DYRK4: variants seen among roughly 807,000 people sequenced by gnomAD.
DYRK4 encodes the protein dual specificity tyrosine-phosphorylation-regulated kinase 4.
In DYRK4, 64 loss-of-function variants were observed where a neutral mutation model predicts 68.3. That is an observed-to-expected ratio of 0.94 (90% CI 0.77 to 1.15). The LOEUF (loss-of-function observed/expected upper bound fraction) is 1.15, where lower values mean the gene tolerates loss of function less well. Among genes scored for constraint, DYRK4 ranks in the 50% most tolerant of loss-of-function variants. The pLI is 0.00. For missense variants in DYRK4, 740 were observed against 764.7 expected (o/e 0.97, Z 0.38); for synonymous variants, 274 against 289.9 (o/e 0.95, Z 0.56).
chr12:4,593,131 C>G lies in DYRK4; in HGVS notation c.593C>G (p.Thr198Arg). The G allele has an allele frequency of 6.2e-7, 1 of 1,613,950 alleles. No homozygotes were observed. Among genetic ancestry groups the G allele is most frequent in the South Asian group, 1.1e-5 (1 of 91,056 alleles). The change falls in exon 6 of 15, where the codon ACG (threonine) becomes AGG (arginine). Residue 198 changes from threonine to arginine, a missense_variant. Physicochemically the swap from Thr to Arg is moderately conservative, Grantham distance 71. Around this residue, in one of 3 missense-constraint regions of DYRK4, gnomAD observed 614 missense variants for 603.7 expected, o/e 1.02. Transcript: ENST00000543431. The stretch of plus-strand genomic sequence containing the variant: ...ACGGCTCCTGAGAAATTTAGCAAGA[C>G]GAGTTTTGATGATGAGCATGGCTTC... ...LDTAPEKFSK[T>R]SFDDEHGFYL...
At chr12:4,610,072 C>A in intron 12 of DYRK4, 83 bp from the exon 13 acceptor site, 2 of 1,302,992 alleles carry the variant, frequency 1.5e-6, no homozygotes, top group Non-Finnish European at 1.0e-6. Flanking sequence ...AAAAGAGCTA[C>A]AGAGGCCACT....
intron 10 of DYRK4, among the ~76,000 whole-genome samples, chr12:4,600,432 AAGAT>A (rs1252643241): frequency 6.6e-6 from 1 of 151,776 alleles, no homozygotes; most frequent in East Asian, 1.9e-4. Flanking sequence ...AAGAGACAGA[AAGAT>A]AAAAATAATA....
chr12:4,601,946 T>C (rs1945086408), intron 10 of DYRK4: 1 of 288,112 alleles, frequency 3.5e-6, no homozygotes. Context: ...AGTTGCATCT[T>C]GAAAAAATGA....
rs564414677 is a variant in DYRK4 at position 4,612,034 on chromosome 12, C to T, written c.1491-509C>T. 2.6e-5 allele frequency among the ~76,000 whole-genome samples: 4 copies of T among 152,270 alleles called. No individual in the cohort carries two copies. In the East Asian group the frequency reaches 7.7e-4, roughly 29 times the overall value. ...AGTTAGTATCTTGTCACTGAAATTA[C>T]TCAAGAATTGCAGGGTGATTCCATG... On this transcript the variant is annotated intron_variant, in intron 13 of 14. Transcript: ENST00000543431.
Position 4,574,095 on chromosome 12 carries a change from G to A in DYRK4, c.132+6047G>A, listed in dbSNP as rs1463429863. On this transcript the variant is annotated intron_variant, in intron 2 of 14. Coordinates refer to ENST00000543431, the MANE Select transcript of DYRK4 (RefSeq NM_001394779.1). ...AAAAAATTAGCCGTGCGTGGTGGCGGGTGCCTGTAATCCCAGCTGCTCGGG... is the reference window on the plus strand; with the variant it reads ...AAAAAATTAGCCGTGCGTGGTGGCGAGTGCCTGTAATCCCAGCTGCTCGGG... Among the ~76,000 whole-genome samples, 5 of 151,998 alleles carry A rather than the reference G, an allele frequency of 3.3e-5. No individual in the cohort carries two copies. In the East Asian group the frequency reaches 9.7e-4, roughly 29 times the overall value.
At chr12:4,588,894 A>G (rs745974403) in intron 2 of DYRK4, 43 bp from the exon 3 acceptor site, 1 of 1,516,694 alleles carries the variant, frequency 6.6e-7, no homozygotes, top group South Asian at 1.2e-5. Context: ...TGTGGGATAA[A>G]GCCATGCCAA....
intron 2 of DYRK4, among the ~76,000 whole-genome samples, chr12:4,573,535 T>C (rs1944753836): frequency 6.6e-6 from 1 of 152,214 alleles, no homozygotes; most frequent in African/African-American, 2.4e-5. Context: ...TAGTCACTTC[T>C]ATTGAAAGCT....
intron 1 of DYRK4, chr12:4,563,001 A>G: frequency 2.2e-6 from 1 of 453,784 alleles, no homozygotes; most frequent in Middle Eastern, 3.3e-4. Context: ...GACCCCTCTG[A>G]CATGTCTTAA....
chr12:4,582,577 T>C lies in DYRK4; in HGVS notation c.133-6360T>C, dbSNP rs181673488. On this transcript the variant is annotated intron_variant, in intron 2 of 14. Coordinates refer to ENST00000543431, the MANE Select transcript of DYRK4 (RefSeq NM_001394779.1). The stretch of plus-strand genomic sequence containing the variant: ...CTGTAATAGAGTACAGAGCACAGGG[T>C]AGCGAGTGGCTTACAAATATTAATA... 1.6e-3 allele frequency among the ~76,000 whole-genome samples: 237 copies of C among 152,238 alleles called. 1 individual carries two copies. The highest frequency in any genetic ancestry group is 5.4e-3 in the African/African-American group (224 of 41,520).
At chr12:4,592,683 CTA>C (rs1944970004) in intron 5 of DYRK4, 1 of 203,210 alleles carries the variant, frequency 4.9e-6, no homozygotes, top group African/African-American at 2.3e-5. Context: ...GCCACCTAAA[CTA>C]TATACTATTG....
intron 2 of DYRK4, among the ~76,000 whole-genome samples, chr12:4,576,864 T>A (rs1944794538): frequency 6.6e-6 from 1 of 152,260 alleles, no homozygotes; most frequent in Non-Finnish European, 1.5e-5. Flanking sequence ...GATTGCTTTC[T>A]TATTGTTGAA....
At position 4,610,208 on chromosome 12, in the gene DYRK4, C is replaced by G. The variant is rs759883221; in HGVS notation, c.1414C>G (p.Pro472Ala). Residue 472 changes from proline to alanine, a missense_variant, in exon 13 of 15, where the codon CCA becomes GCA. By Grantham distance (27) the Pro-to-Ala change is conservative. This residue lies in a region of DYRK4 where 614 missense variants were observed against 603.7 expected (regional missense o/e 1.02). Transcript: ENST00000543431. ...CAACAACAGGGGGAAAAAAAGATAC[C>G]CAGATTCCAAGGACCTCACGATGGT... ...ITNNRGKKRY[P>A]DSKDLTMVLK... is the part of the protein sequence containing the mutation. 6.2e-7 allele frequency: 1 copy of G among 1,600,984 alleles called. No homozygotes were observed. The highest frequency in any genetic ancestry group is 1.7e-5 in the Admixed American group (1 of 57,580).
intron 2 of DYRK4, among the ~76,000 whole-genome samples, chr12:4,569,466 C>G (rs1302187869): frequency 6.6e-6 from 1 of 152,138 alleles, no homozygotes; most frequent in Non-Finnish European, 1.5e-5. Context: ...TTATTGAGTG[C>G]CGAGGTGACT....
At chr12:4,588,900 G>A (rs1944924631) in intron 2 of DYRK4, 37 bp from the exon 3 acceptor site, 6 of 1,526,504 alleles carry the variant, frequency 3.9e-6, no homozygotes, top group Non-Finnish European at 5.3e-6. Context: ...ATAAAGCCAT[G>A]CCAAGCATTG....
intron 2 of DYRK4, among the ~76,000 whole-genome samples, chr12:4,568,366 A>G (rs1944697461): frequency 6.6e-6 from 1 of 152,108 alleles, no homozygotes; most frequent in Non-Finnish European, 1.5e-5. Context: ...GAACGTTTCC[A>G]GAAAAGATCT....
intron 10 of DYRK4, among the ~76,000 whole-genome samples, chr12:4,604,032 T>C (rs1945111782): frequency 1.3e-5 from 2 of 152,224 alleles, no homozygotes; most frequent in African/African-American, 2.4e-5. Flanking sequence ...TTAACCTCTG[T>C]ATGCCTCAGT....
Position 4,573,082 on chromosome 12 carries a change from T to C in DYRK4, c.132+5034T>C, listed in dbSNP as rs531249949. The C allele has an allele frequency of 1.1e-4, 38 of 335,968 alleles. 1 individual carries two copies. Among genetic ancestry groups the C allele is most frequent in the South Asian group, 4.3e-4 (18 of 42,292 alleles). 20.8% of individuals were successfully genotyped at this position (335,968 alleles called of 1,614,324 possible). A position where few individuals can be genotyped will look rare whatever the true frequency, so the allele number is the denominator to read the frequency against. On this transcript the variant is annotated intron_variant, in intron 2 of 14. Coordinates refer to ENST00000543431, the MANE Select transcript of DYRK4 (RefSeq NM_001394779.1). ...GAATTGCTAGTTCTGTCTAGGTTTT[T>C]AGGTTGGCACACTATTATTTATGGT...
intron 2 of DYRK4, among the ~76,000 whole-genome samples, chr12:4,587,028 G>A (rs571506001): frequency 6.6e-5 from 10 of 152,224 alleles, no homozygotes; most frequent in African/African-American, 2.4e-4. Context: ...TGTGATTTTA[G>A]AGTCCATACC....
chr12:4,597,537 C>T (rs1337265228), intron 8 of DYRK4, among the ~76,000 whole-genome samples: 2 of 152,250 alleles, frequency 1.3e-5, no homozygotes, highest in Non-Finnish European at 2.9e-5. Flanking sequence ...ATTATCTTCT[C>T]TGTGGCCAAA....
Sources: gnomAD v4.1 joint callset for allele counts (sites outside exome capture counted in the v4.1 genomes callset) on GRCh38, gnomAD v4.1.1 for gene constraint, gnomAD v4.1.1 regional missense constraint, MANE v1.5 for transcripts, NCBI Gene and HGNC (gene_info 2026-07-23, HGNC 2026-07-21) for gene names.